FBXL17: variants seen among roughly 807,000 people sequenced by gnomAD.
FBXL17 encodes F-box and leucine rich repeat protein 17.
FBXL17 carries 22 observed loss-of-function variants against 66.2 expected under a neutral mutation model. The observed-to-expected ratio is 0.33, with a 90% CI of 0.24 to 0.47. The LOEUF (loss-of-function observed/expected upper bound fraction) is 0.47. Ranked by LOEUF, FBXL17 falls within the 20% of genes least tolerant of loss-of-function variation. The pLI is 1.00. For missense variants in FBXL17, 878 were observed against 948.2 expected, an observed-to-expected ratio of 0.93 and a Z score of 0.97; for synonymous variants, 474 against 400.5, an observed-to-expected ratio of 1.18 and a Z score of -2.19.
At chr5:107,947,686 C>A (rs1751359110) in intron 7 of FBXL17, among the ~76,000 whole-genome samples, 1 of 152,160 alleles carries the variant, frequency 6.6e-6, no homozygotes, top group Non-Finnish European at 1.5e-5. Flanking sequence ...AGGGTTCTAG[C>A]AGATAGCTTC....
intron 4 of FBXL17, among the ~76,000 whole-genome samples, chr5:108,314,331 T>A (rs1008026518): frequency 1.4e-4 from 21 of 151,704 alleles, no homozygotes; most frequent in African/African-American, 5.1e-4. Flanking sequence ...TGAAATGGCA[T>A]AATCAAAAAG....
intron 4 of FBXL17, among the ~76,000 whole-genome samples, chr5:108,300,575 A>G (rs976449817): frequency 1.3e-5 from 2 of 151,814 alleles, no homozygotes; most frequent in South Asian, 2.1e-4. Context: ...TTTCTACTGG[A>G]AAGTTTAACC....
chr5:108,061,710 T>G (rs889554818), intron 6 of FBXL17, among the ~76,000 whole-genome samples: 2 of 152,218 alleles, frequency 1.3e-5, no homozygotes, highest in African/African-American at 4.8e-5. Context: ...ATTTCTACTC[T>G]CCACAATTTT....
chr5:108,226,251 T>C (rs1755094955), intron 4 of FBXL17, among the ~76,000 whole-genome samples: 1 of 152,342 alleles, frequency 6.6e-6, no homozygotes, highest in Admixed American at 6.5e-5. Flanking sequence ...TGAAAAGTCC[T>C]ATGACCCGGA....
intron 4 of FBXL17, among the ~76,000 whole-genome samples, chr5:108,341,875 T>A (rs1324601143): frequency 6.6e-6 from 1 of 152,186 alleles, no homozygotes; most frequent in African/African-American, 2.4e-5. Flanking sequence ...TCTGCTTGCA[T>A]ATTCATCACA....
chr5:108,292,052 T>C (rs1758134293), intron 4 of FBXL17, among the ~76,000 whole-genome samples: 1 of 152,080 alleles, frequency 6.6e-6, no homozygotes, highest in Non-Finnish European at 1.5e-5. Context: ...GTTACTCTTC[T>C]ATTCAAAATT....
intron 4 of FBXL17, among the ~76,000 whole-genome samples, chr5:108,253,981 G>C (rs990194783): frequency 6.6e-6 from 1 of 151,896 alleles, no homozygotes; most frequent in Non-Finnish European, 1.5e-5. Flanking sequence ...CTCAAAAAAA[G>C]AAAAGAAAAG....
chr5:107,914,609 G>C (rs1750065411), intron 7 of FBXL17, among the ~76,000 whole-genome samples: 1 of 152,194 alleles, frequency 6.6e-6, no homozygotes, highest in Admixed American at 6.5e-5. Flanking sequence ...TGGCCACAGT[G>C]GTGGGTGGGC....
chr5:107,996,177 C>T (rs1369072947), intron 7 of FBXL17, among the ~76,000 whole-genome samples: 1 of 152,180 alleles, frequency 6.6e-6, no homozygotes, highest in African/African-American at 2.4e-5. Context: ...ATCACTCTGC[C>T]TTGCTGAGTT....
At chr5:108,088,310 T>A (rs1157469309) in intron 6 of FBXL17, among the ~76,000 whole-genome samples, 1 of 152,156 alleles carries the variant, frequency 6.6e-6, no homozygotes, top group Non-Finnish European at 1.5e-5. Flanking sequence ...ATTCACAAAA[T>A]CCATGGACAT....
chr5:108,253,188 C>A (rs1319856540), intron 4 of FBXL17, among the ~76,000 whole-genome samples: 1 of 152,076 alleles, frequency 6.6e-6, no homozygotes, highest in Non-Finnish European at 1.5e-5. Context: ...ATGAAAATTT[C>A]CTTGTAAGAC....
intron 7 of FBXL17, among the ~76,000 whole-genome samples, chr5:107,889,880 A>G (rs1749134917): frequency 6.6e-6 from 1 of 152,196 alleles, no homozygotes; most frequent in South Asian, 2.1e-4. Flanking sequence ...GACTTCCAAA[A>G]ATGTCAAAAA....
rs554483310 is a variant in FBXL17, at chr5:107,903,012, G to T, written c.1823-21833C>A. Among the ~76,000 whole-genome samples, 5 of 152,086 alleles carry T rather than the reference G, an allele frequency of 3.3e-5. No individual in the cohort carries two copies. The East Asian group carries it at 9.7e-4, about 29-fold the overall frequency. On this transcript the variant is annotated intron_variant, in intron 7 of 8. Transcript: ENST00000542267. ...TCAGTTAGTCATTTATAAGACTGAAGAACTTTCCTGTGTATTTCATCAACC... is the reference window on the plus strand; with the variant it reads ...TCAGTTAGTCATTTATAAGACTGAATAACTTTCCTGTGTATTTCATCAACC...
At chr5:107,863,550 T>G (rs541252959) in intron 8 of FBXL17, among the ~76,000 whole-genome samples, 1 of 142,222 alleles carries the variant, frequency 7.0e-6, no homozygotes, top group South Asian at 2.1e-4. Flanking sequence ...GATCATTCAC[T>G]CTTTCAATAC....
At chr5:108,139,496 C>T (rs1751271009) in intron 6 of FBXL17, among the ~76,000 whole-genome samples, 1 of 152,126 alleles carries the variant, frequency 6.6e-6, no homozygotes, top group Non-Finnish European at 1.5e-5. Flanking sequence ...TGGACCGATG[C>T]CACTACAAAT....
intron 4 of FBXL17, among the ~76,000 whole-genome samples, chr5:108,294,034 CTT>C (rs1003308579): frequency 1.6e-4 from 15 of 94,768 alleles, no homozygotes; most frequent in African/African-American, 6.4e-4. Context: ...GAGCGAGACT[CTT>C]GTCTCACAAA....
At chr5:107,873,983 G>A (rs1748536782) in intron 8 of FBXL17, among the ~76,000 whole-genome samples, 1 of 152,038 alleles carries the variant, frequency 6.6e-6, no homozygotes, top group Non-Finnish European at 1.5e-5. Context: ...CTTGCAGCAC[G>A]TTCCCTTAAA....
intron 6 of FBXL17, among the ~76,000 whole-genome samples, chr5:108,045,532 T>C (rs1300275019): frequency 1.3e-5 from 2 of 152,288 alleles, no homozygotes; most frequent in East Asian, 3.9e-4. Context: ...CGTCTTGATA[T>C]AGAAGCTTAG....
intron 3 of FBXL17, among the ~76,000 whole-genome samples, chr5:108,352,579 C>T (rs1025998618): frequency 1.4e-4 from 21 of 151,644 alleles, no homozygotes; most frequent in African/African-American, 5.1e-4. Flanking sequence ...GGTGTGATCT[C>T]GGCTCACTGC....
Sources: allele counts gnomAD v4.1 joint callset (sites outside exome capture counted in the v4.1 genomes callset), GRCh38; gene constraint gnomAD v4.1.1; transcripts MANE v1.5; gene names NCBI Gene and HGNC (gene_info 2026-07-23, HGNC 2026-07-21).